Variants in ADAMTS9 observed in about 807,000 individuals in gnomAD.
The protein encoded by ADAMTS9 is A disintegrin and metalloproteinase with thrombospondin motifs 9.
In ADAMTS9, 107 loss-of-function variants were observed where a neutral mutation model predicts 257.1. The observed-to-expected ratio is 0.42, with a 90% CI of 0.36 to 0.49. The LOEUF (loss-of-function observed/expected upper bound fraction) is 0.49, where lower values mean the gene tolerates loss of function less well. Among genes scored for constraint, ADAMTS9 ranks in the 20% least tolerant of loss-of-function variants. ADAMTS9 has a pLI of 0.03. For missense variants in ADAMTS9, 2,353 were observed against 2,469.1 expected (o/e 0.95, Z 1.00); for synonymous variants, 982 against 880.9 (o/e 1.11, Z -2.03).
chr3:64,618,828 A>G (rs1243934181), intron 19 of ADAMTS9, among the ~76,000 whole-genome samples: 2 of 152,130 alleles, frequency 1.3e-5, no homozygotes, highest in East Asian at 3.9e-4. Flanking sequence ...CTTTTGCATC[A>G]TTTTACACAA....
rs2083388688 is a variant in ADAMTS9 at position 64,559,735 on chromosome 3, G to A, written c.4698+1843C>T. 2.0e-5 allele frequency among the ~76,000 whole-genome samples: 3 copies of A among 152,344 alleles called. No individual in the cohort carries two copies. The South Asian group carries it at 6.2e-4, about 32-fold the overall frequency. On this transcript the variant is annotated intron_variant, in intron 30 of 39. Transcript: ENST00000498707. ...AGAGGAATTTCCTCAGTGCATATGT[G>A]GCAAGGTTTTTCCATTCTTCGGGAT...
intron 28 of ADAMTS9, among the ~76,000 whole-genome samples, chr3:64,576,010 C>T (rs760575542): frequency 6.6e-5 from 10 of 152,188 alleles, no homozygotes; most frequent in South Asian, 4.1e-4. Flanking sequence ...AAGATCTCAT[C>T]CCTGTGAATG....
At chr3:64,648,438 C>G (rs1370598352) in intron 10 of ADAMTS9, among the ~76,000 whole-genome samples, 1 of 152,202 alleles carries the variant, frequency 6.6e-6, no homozygotes, top group Non-Finnish European at 1.5e-5. Flanking sequence ...AGCATTTAAG[C>G]TTTACAACTG....
At chr3:64,615,197 G>T (rs1018106028) in intron 21 of ADAMTS9, 124 bp downstream of exon 21, 3 of 1,159,446 alleles carry the variant, frequency 2.6e-6, no homozygotes, top group African/African-American at 3.1e-5. Flanking sequence ...TTTTCTCAAG[G>T]GAGACAAGGG....
chr3:64,613,274 G>T (rs2084701172), intron 22 of ADAMTS9, 71 bp downstream of exon 22: 1 of 1,554,466 alleles, frequency 6.4e-7, no homozygotes, highest in African/African-American at 1.4e-5. Context: ...CCACTGGAAT[G>T]CTCCTTTGCA....
intron 39 of ADAMTS9, among the ~76,000 whole-genome samples, chr3:64,518,617 C>G (rs2082810379): frequency 6.6e-6 from 1 of 152,096 alleles, no homozygotes. Context: ...TTGTGCATTT[C>G]TAACAAGTTC....
At chr3:64,556,384 G>GA (rs1297082502) in intron 30 of ADAMTS9, among the ~76,000 whole-genome samples, 1 of 152,178 alleles carries the variant, frequency 6.6e-6, no homozygotes, top group African/African-American at 2.4e-5. Context: ...GCAGTGGCCT[G>GA]ATGATAGCTC....
At chr3:64,559,415 C>T (rs1003621988) in intron 30 of ADAMTS9, among the ~76,000 whole-genome samples, 9 of 152,132 alleles carry the variant, frequency 5.9e-5, no homozygotes, top group African/African-American at 2.2e-4. Flanking sequence ...CTTTCACCAC[C>T]CCAGTATTCC....
At chr3:64,600,592 T>G (rs986244725) in intron 26 of ADAMTS9, among the ~76,000 whole-genome samples, 1 of 152,250 alleles carries the variant, frequency 6.6e-6, no homozygotes, top group Non-Finnish European at 1.5e-5. Context: ...GTTTTGAATT[T>G]TGTCAACAAG....
chr3:64,542,292 T>G (rs1224409081), intron 32 of ADAMTS9, among the ~76,000 whole-genome samples: 1 of 152,152 alleles, frequency 6.6e-6, no homozygotes, highest in Non-Finnish European at 1.5e-5. Flanking sequence ...GTATTACCAT[T>G]ATCTTATTTT....
At chr3:64,675,734 T>C (rs772343559) in intron 3 of ADAMTS9, among the ~76,000 whole-genome samples, 3 of 152,204 alleles carry the variant, frequency 2.0e-5, no homozygotes, top group African/African-American at 4.8e-5. Flanking sequence ...AGGCTCAGAC[T>C]CTCTTCTTCC....
intron 19 of ADAMTS9, among the ~76,000 whole-genome samples, chr3:64,620,210 T>G (rs940171392): frequency 6.6e-6 from 1 of 152,132 alleles, no homozygotes; most frequent in Non-Finnish European, 1.5e-5. Context: ...ATGGCAGACA[T>G]TAGTAGTCAA....
chr3:64,548,732 A>T (rs2083233717), intron 31 of ADAMTS9, among the ~76,000 whole-genome samples: 1 of 152,250 alleles, frequency 6.6e-6, no homozygotes, highest in Admixed American at 6.5e-5. Flanking sequence ...TGATATCAGC[A>T]TTGTGAAAAT....
At chr3:64,660,273 A>C (rs1701191724) in intron 3 of ADAMTS9, among the ~76,000 whole-genome samples, 1 of 152,214 alleles carries the variant, frequency 6.6e-6, no homozygotes, top group South Asian at 2.1e-4. Flanking sequence ...AAAAATTAAA[A>C]ACAGTTAAAT....
chr3:64,619,817 G>A (rs935370415), intron 19 of ADAMTS9, among the ~76,000 whole-genome samples: 11 of 152,122 alleles, frequency 7.2e-5, no homozygotes, highest in Non-Finnish European at 1.3e-4. Flanking sequence ...GTGCCTCAAG[G>A]AATCTATCCA....
chr3:64,570,674 C>T lies in ADAMTS9; in HGVS notation c.4357-2139G>A, dbSNP rs370237305. Among the ~76,000 whole-genome samples the T allele has an allele frequency of 2.4e-4, 25 of 105,312 alleles. 1 individual carries two copies. The Middle Eastern group carries it at 0.038, about 162-fold the overall frequency. The allele number at this position is 105,312 out of a possible 152,430, so 69.1% of individuals were successfully genotyped here. A position where few individuals can be genotyped will look rare whatever the true frequency, so the allele number is the denominator to read the frequency against. On this transcript the variant is annotated intron_variant, in intron 28 of 39. Coordinates refer to ENST00000498707, the MANE Select transcript of ADAMTS9 (RefSeq NM_182920.2). Reference sequence around the variant, plus strand: ...CAGCGCCACTGTACTCCAGCCTGGGCGAAAGAGCAAGACTCCGTCTCAAAA... The same window carrying T: ...CAGCGCCACTGTACTCCAGCCTGGGTGAAAGAGCAAGACTCCGTCTCAAAA...
At chr3:64,534,032 A>T (rs1353450430) in intron 37 of ADAMTS9, among the ~76,000 whole-genome samples, 1 of 152,198 alleles carries the variant, frequency 6.6e-6, no homozygotes, top group African/African-American at 2.4e-5. Flanking sequence ...AAGGCATCTG[A>T]AATACTTTCT....
intron 3 of ADAMTS9, among the ~76,000 whole-genome samples, chr3:64,663,610 G>A (rs955716897): frequency 6.6e-6 from 1 of 151,336 alleles, no homozygotes; most frequent in Non-Finnish European, 1.5e-5. Flanking sequence ...AAGAAATGAA[G>A]GCATTAATCA....
intron 3 of ADAMTS9, among the ~76,000 whole-genome samples, chr3:64,660,949 G>C (rs73832370): frequency 1.3e-5 from 2 of 152,134 alleles, no homozygotes; most frequent in Non-Finnish European, 2.9e-5. Context: ...CAAAAGTTAC[G>C]GATACAGTGC....
Sources: gnomAD v4.1 joint callset for allele counts (sites outside exome capture counted in the v4.1 genomes callset) on GRCh38, gnomAD v4.1.1 for gene constraint, MANE v1.5 for transcripts, NCBI Gene and HGNC (gene_info 2026-07-23, HGNC 2026-07-21) for gene names.